Variants in CSMD1 observed in about 807,000 individuals in gnomAD.
The protein encoded by CSMD1 is CUB and Sushi multiple domains 1.
Under a neutral mutation model 417.5 loss-of-function variants are expected in CSMD1, and 213 were observed. The ratio of observed to expected loss-of-function variants is 0.51; its 90% CI spans 0.46 to 0.57. CSMD1 has a LOEUF of 0.57. Ranked by LOEUF, CSMD1 falls within the 20% of genes least tolerant of loss-of-function variation. CSMD1 has a pLI of 0.00. For synonymous variants in CSMD1, 2,862 were observed against 1,736.8 expected (o/e 1.65, Z -16.11); for missense variants, 6,923 against 4,529.7 (o/e 1.53, Z -15.17).
chr8:3,657,141 A>G (rs922567944), intron 7 of CSMD1, among the ~76,000 whole-genome samples: 1 of 152,172 alleles, frequency 6.6e-6, no homozygotes, highest in Non-Finnish European at 1.5e-5. Flanking sequence ...TGTCCCTAGC[A>G]TTTGGCTACA....
intron 38 of CSMD1, among the ~76,000 whole-genome samples, chr8:3,158,901 C>G (rs1235977668): frequency 1.1e-4 from 17 of 152,160 alleles, no homozygotes; most frequent in Admixed American, 8.5e-4. Flanking sequence ...ACGCATCAAA[C>G]AAGCGTTTGC....
intron 50 of CSMD1, among the ~76,000 whole-genome samples, chr8:3,046,159 T>C (rs952093969): frequency 2.6e-5 from 4 of 152,220 alleles, no homozygotes; most frequent in African/African-American, 9.6e-5. Context: ...TTGATTGCTA[T>C]GCTCACAAAG....
At chr8:3,615,071 A>G (rs899016827) in intron 8 of CSMD1, among the ~76,000 whole-genome samples, 1 of 152,202 alleles carries the variant, frequency 6.6e-6, no homozygotes, top group African/African-American at 2.4e-5. Context: ...AATGACTTCA[A>G]ATGACTGCTG....
At chr8:4,136,091 A>C (rs1449260132) in intron 3 of CSMD1, among the ~76,000 whole-genome samples, 1 of 152,216 alleles carries the variant, frequency 6.6e-6, no homozygotes, top group African/African-American at 2.4e-5. Context: ...GACTCAGCAA[A>C]AGGACTTCCT....
intron 5 of CSMD1, among the ~76,000 whole-genome samples, chr8:3,862,789 C>T (rs1246906437): frequency 1.3e-5 from 2 of 152,188 alleles, no homozygotes; most frequent in African/African-American, 4.8e-5. Context: ...GAGAAGTTAA[C>T]TGCCTATCAC....
At chr8:4,890,717 C>T (rs565307099) in intron 1 of CSMD1, among the ~76,000 whole-genome samples, 3 of 152,110 alleles carry the variant, frequency 2.0e-5, no homozygotes, top group Admixed American at 2.0e-4. Context: ...GTTATTAGGT[C>T]GCTGCAAAAG....
At chr8:3,566,040 G>A (rs1278877340) in intron 10 of CSMD1, among the ~76,000 whole-genome samples, 1 of 152,068 alleles carries the variant, frequency 6.6e-6, no homozygotes, top group Non-Finnish European at 1.5e-5. Context: ...CTCTTTGCCT[G>A]TCATACGGGA....
At chr8:4,355,991 G>A (rs1338118077) in intron 3 of CSMD1, among the ~76,000 whole-genome samples, 1 of 152,004 alleles carries the variant, frequency 6.6e-6, no homozygotes, top group Non-Finnish European at 1.5e-5. Context: ...TCATGATATT[G>A]GGGTACATGT....
At chr8:4,497,563 C>T (rs900376147) in intron 2 of CSMD1, among the ~76,000 whole-genome samples, 2 of 152,088 alleles carry the variant, frequency 1.3e-5, no homozygotes, top group African/African-American at 4.8e-5. Flanking sequence ...GGAGGAAAGA[C>T]GGATGAGTGG....
chr8:4,072,737 C>G (rs1347118505), intron 3 of CSMD1, among the ~76,000 whole-genome samples: 2 of 152,160 alleles, frequency 1.3e-5, no homozygotes, highest in Non-Finnish European at 2.9e-5. Context: ...GTGTTTACAA[C>G]TTTTGCCTTA....
chr8:4,370,039 T>C (rs908166015), intron 3 of CSMD1, among the ~76,000 whole-genome samples: 3 of 152,194 alleles, frequency 2.0e-5, no homozygotes, highest in African/African-American at 4.8e-5. Flanking sequence ...TGATTTATAA[T>C]GTCAATGAGG....
At chr8:3,044,455 G>C (rs934843430) in intron 50 of CSMD1, among the ~76,000 whole-genome samples, 5 of 152,082 alleles carry the variant, frequency 3.3e-5, no homozygotes, top group East Asian at 1.9e-4. Flanking sequence ...TCACTGGAAG[G>C]CTAGCTTAAT....
intron 32 of CSMD1, among the ~76,000 whole-genome samples, chr8:3,200,470 G>A (rs1032138204): frequency 9.2e-5 from 14 of 151,970 alleles, no homozygotes; most frequent in African/African-American, 2.9e-4. Context: ...CAGGAGAATC[G>A]CTTGAACCTG....
chr8:3,776,807 G>GATATATATATATACATATATAT (rs1554432747), intron 5 of CSMD1, among the ~76,000 whole-genome samples: 1 of 139,938 alleles, frequency 7.1e-6, no homozygotes, highest in African/African-American at 2.9e-5. Context: ...ATATAGACGA[G>GATATATATATATACATATATAT]ATATATATAT....
chr8:4,205,715 TTTATTTCAGCTCACTTCCTAGG>T (rs569995427), intron 3 of CSMD1, among the ~76,000 whole-genome samples: 13,719 of 152,090 alleles, frequency 0.09, 873 homozygotes, highest in African/African-American at 0.18. Flanking sequence ...ATAATAGAGG[TTTATTTCAGCTCACTTCCTAGG>T]CCACTGTGAG....
intron 3 of CSMD1, among the ~76,000 whole-genome samples, chr8:4,385,816 AATT>A (rs1803411754): frequency 6.6e-6 from 1 of 152,154 alleles, no homozygotes; most frequent in Admixed American, 6.6e-5. Flanking sequence ...ATAGCTTAAA[AATT>A]ATTTTGTGTT....
In CSMD1 at chr8:4,387,570, C is replaced by CAAAAAAAAAAAAAAAAAAAAAAAAAAA. The variant is rs540419006; in HGVS notation, c.415+32382_415+32383insTTTTTTTTTTTTTTTTTTTTTTTTTTT. ...GAAGAGATGCATAAATCCAAACTGG[C>CAAAAAAAAAAAAAAAAAAAAAAAAAAA]AAAAAAAAAAAAAAAAAAAAAAGAG... On this transcript the variant is annotated intron_variant, in intron 3 of 69. Coordinates refer to ENST00000635120, the MANE Select transcript of CSMD1 (RefSeq NM_033225.6). Among the ~76,000 whole-genome samples, 26 of 37,226 alleles carry CAAAAAAAAAAAAAAAAAAAAAAAAAAA rather than the reference C, an allele frequency of 7.0e-4. 5 individuals carry two copies. The highest frequency in any genetic ancestry group is 1.1e-3 in the Non-Finnish European group (19 of 17,308). The allele number at this position is 37,226 out of a possible 152,430, so 24.4% of individuals were successfully genotyped here.
intron 2 of CSMD1, among the ~76,000 whole-genome samples, chr8:4,581,668 T>C (rs1795486530): frequency 6.6e-6 from 1 of 152,344 alleles, no homozygotes; most frequent in South Asian, 2.1e-4. Context: ...CATTTGAATC[T>C]GTCTATGCTC....
intron 5 of CSMD1, among the ~76,000 whole-genome samples, chr8:3,783,361 G>T (rs1799281992): frequency 6.6e-6 from 1 of 152,226 alleles, no homozygotes; most frequent in African/African-American, 2.4e-5. Flanking sequence ...TGTGAGCAAA[G>T]CACCAGGAAG....
Sources: allele counts gnomAD v4.1 joint callset (sites outside exome capture counted in the v4.1 genomes callset), GRCh38; gene constraint gnomAD v4.1.1; transcripts MANE v1.5; gene names NCBI Gene and HGNC (gene_info 2026-07-23, HGNC 2026-07-21).